The following TAFA2 variants were observed in gnomAD, a reference collection of about 807,000 sequenced individuals.
TAFA2 encodes the protein TAFA chemokine like family member 2.
TAFA2 carries 7 observed loss-of-function variants against 18.8 expected under a neutral mutation model. That is an observed-to-expected ratio of 0.37 (90% confidence interval 0.21 to 0.70). The LOEUF (loss-of-function observed/expected upper bound fraction) is 0.70, where lower values mean the gene tolerates loss of function less well. Among genes scored for constraint, TAFA2 ranks in the 30% least tolerant of loss-of-function variants. TAFA2 has a pLI of 0.53. For synonymous variants in TAFA2, 60 were observed against 54.2 expected, an observed-to-expected ratio of 1.11 and a Z score of -0.47; for missense variants, 122 against 158.1, an observed-to-expected ratio of 0.77 and a Z score of 1.23.
At chr12:62,118,898 A>C (rs1473973722) in intron 1 of TAFA2, among the ~76,000 whole-genome samples, 1 of 152,120 alleles carries the variant, frequency 6.6e-6, no homozygotes. Context: ...AGTACTTCTC[A>C]CTTTAAGACA....
intron 4 of TAFA2, among the ~76,000 whole-genome samples, chr12:61,725,478 A>T (rs1870118469): frequency 6.6e-6 from 1 of 152,002 alleles, no homozygotes; most frequent in Admixed American, 6.6e-5. Flanking sequence ...GGAGATGAGG[A>T]TCCAGCTTCA....
intron 1 of TAFA2, among the ~76,000 whole-genome samples, chr12:61,923,905 G>A (rs1469703820): frequency 6.6e-6 from 1 of 151,720 alleles, no homozygotes; most frequent in African/African-American, 2.4e-5. Flanking sequence ...ACCTGATGGA[G>A]CTCAAAAACA....
chr12:62,081,895 G>GT (rs908704382), intron 1 of TAFA2, among the ~76,000 whole-genome samples: 5 of 152,088 alleles, frequency 3.3e-5, no homozygotes, highest in Middle Eastern at 6.8e-3. Flanking sequence ...CATCACCTAG[G>GT]TATTAGGCCC....
intron 1 of TAFA2, among the ~76,000 whole-genome samples, chr12:62,032,559 G>A (rs765917763): frequency 1.4e-4 from 21 of 151,908 alleles, no homozygotes; most frequent in Non-Finnish European, 2.8e-4. Flanking sequence ...CAAGACCCCC[G>A]GCATGAAAAG....
At chr12:61,865,336 A>T (rs1874308456) in intron 2 of TAFA2, among the ~76,000 whole-genome samples, 1 of 152,208 alleles carries the variant, frequency 6.6e-6, no homozygotes, top group African/African-American at 2.4e-5. Flanking sequence ...ACTTACATAT[A>T]CACAACCCTT....
intron 1 of TAFA2, among the ~76,000 whole-genome samples, chr12:62,231,174 C>T (rs2062810476): frequency 1.3e-5 from 2 of 152,114 alleles, no homozygotes; most frequent in South Asian, 4.1e-4. Context: ...CAGTCCATCT[C>T]TCCCTTTATA....
At chr12:61,997,333 T>C (rs1462018150) in intron 1 of TAFA2, among the ~76,000 whole-genome samples, 1 of 152,052 alleles carries the variant, frequency 6.6e-6, no homozygotes, top group African/African-American at 2.4e-5. Context: ...AAGTGATTCA[T>C]GAGAATATCT....
intron 4 of TAFA2, among the ~76,000 whole-genome samples, chr12:61,751,773 G>A (rs1339785869): frequency 2.0e-5 from 3 of 151,904 alleles, no homozygotes; most frequent in Non-Finnish European, 4.4e-5. Context: ...ATTACATTTG[G>A]AAGAATTTGT....
At chr12:61,993,518 A>G (rs555064688) in intron 1 of TAFA2, among the ~76,000 whole-genome samples, 4 of 152,290 alleles carry the variant, frequency 2.6e-5, no homozygotes, top group Non-Finnish European at 5.9e-5. Context: ...CCTTGAAGAC[A>G]CACAAATATG....
At chr12:61,940,368 G>T (rs1190500357) in intron 1 of TAFA2, among the ~76,000 whole-genome samples, 1 of 152,214 alleles carries the variant, frequency 6.6e-6, no homozygotes, top group Non-Finnish European at 1.5e-5. Flanking sequence ...AGTGCAAAGG[G>T]ATTAGGAAAC....
Position 61,868,066 on chromosome 12 carries a change from T to G in TAFA2, c.-1-640A>C, listed in dbSNP as rs555070845. Among the ~76,000 whole-genome samples, 6 of 152,126 alleles carry G rather than the reference T, an allele frequency of 3.9e-5. No individual in the cohort carries two copies. The South Asian group carries it at 1.0e-3, about 26-fold the overall frequency. On this transcript the variant is annotated intron_variant, in intron 1 of 4. Coordinates refer to ENST00000416284, the MANE Select transcript of TAFA2 (RefSeq NM_178539.5). ...AAAAATGAAAAAGCAGAATGAAAAA[T>G]ACCAAATCAACATTTTCATATTGAA...
chr12:61,734,380 G>A (rs1868269435), intron 4 of TAFA2, among the ~76,000 whole-genome samples: 1 of 120,656 alleles, frequency 8.3e-6, no homozygotes, highest in South Asian at 3.5e-4. Flanking sequence ...CGGGGGAGGG[G>A]GGAGGGATAG....
At chr12:62,059,137 A>ATGTGTGTGTGTGTGTGTGTGTG (rs779755647) in intron 1 of TAFA2, among the ~76,000 whole-genome samples, 2 of 43,528 alleles carry the variant, frequency 4.6e-5, no homozygotes, top group Non-Finnish European at 8.8e-5. Flanking sequence ...ATATGTGTGT[A>ATGTGTGTGTGTGTGTGTGTGTG]TATGTGTGTG....
chr12:62,024,088 T>C (rs998239197), intron 1 of TAFA2, among the ~76,000 whole-genome samples: 1 of 151,858 alleles, frequency 6.6e-6, no homozygotes, highest in African/African-American at 2.4e-5. Flanking sequence ...TCTTGCATGC[T>C]TCCCATTTGG....
At chr12:62,235,489 C>A in intron 1 of TAFA2, 1 of 591,772 alleles carries the variant, frequency 1.7e-6, no homozygotes, top group Non-Finnish European at 3.1e-6. Context: ...CTTCCTGCTC[C>A]TTCTCAGCCT....
At chr12:62,088,732 C>T (rs928780869) in intron 1 of TAFA2, among the ~76,000 whole-genome samples, 20 of 150,850 alleles carry the variant, frequency 1.3e-4, no homozygotes, top group Non-Finnish European at 2.8e-4. Context: ...TATCTAGCAT[C>T]TAAAACCAAG....
chr12:62,043,626 T>A (rs905487130), intron 1 of TAFA2, among the ~76,000 whole-genome samples: 6 of 151,806 alleles, frequency 4.0e-5, no homozygotes, highest in Non-Finnish European at 7.4e-5. Context: ...TAATAAAATT[T>A]AAAAAAAAGA....
chr12:61,949,100 A>C lies in TAFA2; in HGVS notation c.-1-81674T>G, dbSNP rs1878376141. Among the ~76,000 whole-genome samples the C allele has an allele frequency of 1.3e-5, 2 of 152,200 alleles. 1 individual carries two copies. Among genetic ancestry groups the C allele is most frequent in the South Asian group, 4.1e-4 (2 of 4,830 alleles). On this transcript the variant is annotated intron_variant, in intron 1 of 4. Coordinates refer to ENST00000416284, the MANE Select transcript of TAFA2 (RefSeq NM_178539.5). ...TGTGAGAGTGTTTTTGAATGAAATT[A>C]ACATCTGAATCCATAGACTCCGTAA... is the stretch of plus-strand genomic sequence containing the variant.
chr12:62,010,914 G>A lies in TAFA2; in HGVS notation c.-1-143488C>T, dbSNP rs1489542725. 5.9e-3 allele frequency among the ~76,000 whole-genome samples: 454 copies of A among 76,578 alleles called. 9 individuals are homozygous for A. Among genetic ancestry groups the A allele is most frequent in the Middle Eastern group, 0.015 (1 of 66 alleles). 50.2% of individuals were successfully genotyped at this position (76,578 alleles called of 152,430 possible). The stretch of plus-strand genomic sequence containing the variant: ...AGGTGGGGAGCGCCTCTGCCCGGCC[G>A]CCCTTCGTCTGGGAGGTGGGGAGCG... On this transcript the variant is annotated intron_variant, in intron 1 of 4. Transcript: ENST00000416284.
Sources: allele counts gnomAD v4.1 joint callset (sites outside exome capture counted in the v4.1 genomes callset), GRCh38; gene constraint gnomAD v4.1.1; transcripts MANE v1.5; gene names NCBI Gene and HGNC (gene_info 2026-07-23, HGNC 2026-07-21).